Variants in GALNTL6 observed in about 807,000 individuals in gnomAD.
The protein encoded by GALNTL6 is polypeptide N-acetylgalactosaminyltransferase-like 6.
GALNTL6 carries 46 observed loss-of-function variants against 73.7 expected under a neutral mutation model. The observed-to-expected ratio is 0.62, with a 90% CI of 0.49 to 0.80. GALNTL6 has a LOEUF of 0.80. GALNTL6 is among the 30% of genes least tolerant of loss of function. The pLI is 0.00. For missense variants in GALNTL6, 604 were observed against 755.0 expected (o/e 0.80, Z 2.34); for synonymous variants, 259 against 263.7 (o/e 0.98, Z 0.17).
At chr4:172,515,656 C>T (rs147224976) in intron 5 of GALNTL6, among the ~76,000 whole-genome samples, 1 of 152,294 alleles carries the variant, frequency 6.6e-6, no homozygotes, top group African/African-American at 2.4e-5. Context: ...TGCAGCTGTC[C>T]TGAATTAACC....
At chr4:172,335,492 A>G (rs1412174131) in intron 4 of GALNTL6, among the ~76,000 whole-genome samples, 1 of 152,202 alleles carries the variant, frequency 6.6e-6, no homozygotes, top group Non-Finnish European at 1.5e-5. Context: ...CTCTTCCTCA[A>G]TTTTTTGGAA....
intron 7 of GALNTL6, among the ~76,000 whole-genome samples, chr4:172,833,648 C>G (rs1742757226): frequency 1.3e-5 from 2 of 152,192 alleles, no homozygotes; most frequent in South Asian, 4.1e-4. Context: ...GGTTATCATT[C>G]TCTCCTGAAG....
At chr4:171,847,399 T>C (rs1735402853) in intron 2 of GALNTL6, among the ~76,000 whole-genome samples, 1 of 152,176 alleles carries the variant, frequency 6.6e-6, no homozygotes, top group South Asian at 2.1e-4. Flanking sequence ...TCGATGTTGA[T>C]GGATGCTATC....
At chr4:172,587,115 T>G (rs1737441591) in intron 5 of GALNTL6, among the ~76,000 whole-genome samples, 2 of 145,252 alleles carry the variant, frequency 1.4e-5, no homozygotes, top group Non-Finnish European at 3.1e-5. Flanking sequence ...GTGAAAATAT[T>G]GGGGTTCTAA....
intron 2 of GALNTL6, among the ~76,000 whole-genome samples, chr4:172,212,993 C>A (rs895731883): frequency 2.8e-4 from 43 of 152,092 alleles, no homozygotes; most frequent in African/African-American, 1.0e-3. Flanking sequence ...TTTATCATTG[C>A]CATAGTCTTG....
chr4:172,535,513 T>G (rs1340557693), intron 5 of GALNTL6, among the ~76,000 whole-genome samples: 1 of 152,212 alleles, frequency 6.6e-6, no homozygotes, highest in Non-Finnish European at 1.5e-5. Context: ...AATTCCAATC[T>G]ATTTCAAAAG....
chr4:171,947,052 A>G (rs2111024002), intron 2 of GALNTL6, among the ~76,000 whole-genome samples: 2 of 152,156 alleles, frequency 1.3e-5, no homozygotes, highest in Admixed American at 1.3e-4. Context: ...ATAACTGGCT[A>G]TTACCTCTTT....
intron 4 of GALNTL6, among the ~76,000 whole-genome samples, chr4:172,320,579 G>C (rs146725730): frequency 6.6e-6 from 1 of 152,232 alleles, no homozygotes; most frequent in East Asian, 1.9e-4. Context: ...CATTTTGCAG[G>C]AGAGAAAAAA....
At chr4:172,477,908 A>G (rs147971966) in intron 5 of GALNTL6, among the ~76,000 whole-genome samples, 204 of 152,268 alleles carry the variant, frequency 1.3e-3, no homozygotes, top group African/African-American at 4.2e-3. Flanking sequence ...GAAGAAATGC[A>G]TGGCCTTAGT....
chr4:172,118,730 A>C (rs935502662), intron 2 of GALNTL6, among the ~76,000 whole-genome samples: 2 of 151,796 alleles, frequency 1.3e-5, no homozygotes, highest in Admixed American at 1.3e-4. Context: ...AAACCAAAAA[A>C]CAAACAAACA....
At chr4:172,708,742 A>C (rs996236773) in intron 5 of GALNTL6, among the ~76,000 whole-genome samples, 2 of 152,230 alleles carry the variant, frequency 1.3e-5, no homozygotes, top group Non-Finnish European at 2.9e-5. Context: ...GGTTTTAATG[A>C]AAACATCTTA....
At chr4:173,038,416 T>C (rs1753780772) in intron 12 of GALNTL6, among the ~76,000 whole-genome samples, 1 of 152,152 alleles carries the variant, frequency 6.6e-6, no homozygotes. Flanking sequence ...TCCTTCCTCC[T>C]GGAAGCTGCT....
rs557668915 is a variant in GALNTL6, at chr4:172,987,510, C to G, written c.1372-21668C>G. 4.6e-5 allele frequency among the ~76,000 whole-genome samples: 7 copies of G among 152,302 alleles called. No homozygotes were observed. In the East Asian group the frequency reaches 1.3e-3, roughly 29 times the overall value. On this transcript the variant is annotated intron_variant, in intron 10 of 12. Coordinates refer to ENST00000506823, the MANE Select transcript of GALNTL6 (RefSeq NM_001034845.3). The stretch of plus-strand genomic sequence containing the variant: ...GTTTTGGGTGAGGGTACAGCCAAAC[C>G]ATATCAGTCCAATTATACTTGGCCC...
At position 172,650,021 on chromosome 4, in the gene GALNTL6, C is replaced by T. The variant is rs145414321; in HGVS notation, c.554-159340C>T. ...GCATCCTAGGTACAGAGGTATTCAG[C>T]AGAAGAAAGCTTATGGTAGAAATAT... On this transcript the variant is annotated intron_variant, in intron 5 of 12. Coordinates refer to ENST00000506823, the MANE Select transcript of GALNTL6 (RefSeq NM_001034845.3). Among the ~76,000 whole-genome samples the T allele has an allele frequency of 3.0e-3, 460 of 152,268 alleles. 4 individuals carry two copies. Among genetic ancestry groups the T allele is most frequent in the African/African-American group, 0.011 (437 of 41,540 alleles).
chr4:172,206,448 T>C (rs185013532), intron 2 of GALNTL6, among the ~76,000 whole-genome samples: 214 of 152,282 alleles, frequency 1.4e-3, no homozygotes, highest in Non-Finnish European at 1.9e-3. Flanking sequence ...TGATGAGTGA[T>C]TGTATCTTTT....
chr4:172,418,945 GATTT>G (rs10564317), intron 5 of GALNTL6, among the ~76,000 whole-genome samples: 122,061 of 151,582 alleles, frequency 0.81, 49,994 homozygotes, highest in Non-Finnish European at 0.88. Flanking sequence ...TTTTCTACGA[GATTT>G]ATCAAGCAAT....
At chr4:171,985,831 A>T (rs1253383771) in intron 2 of GALNTL6, among the ~76,000 whole-genome samples, 1 of 151,752 alleles carries the variant, frequency 6.6e-6, no homozygotes, top group Non-Finnish European at 1.5e-5. Context: ...CAAGGTCAGG[A>T]GTTTGAGAGC....
intron 4 of GALNTL6, among the ~76,000 whole-genome samples, chr4:172,320,435 A>G (rs1003769701): frequency 1.1e-4 from 16 of 152,244 alleles, no homozygotes; most frequent in Admixed American, 6.5e-5. Flanking sequence ...CTTCCCAAAG[A>G]AACTGACTTC....
chr4:171,924,070 G>T (rs1469465796), intron 2 of GALNTL6, among the ~76,000 whole-genome samples: 2 of 151,720 alleles, frequency 1.3e-5, no homozygotes, highest in African/African-American at 4.8e-5. Flanking sequence ...AGAAATGATT[G>T]TAGATGCTCA....
Sources: allele counts gnomAD v4.1 joint callset (sites outside exome capture counted in the v4.1 genomes callset), GRCh38; gene constraint gnomAD v4.1.1; transcripts MANE v1.5; gene names NCBI Gene and HGNC (gene_info 2026-07-23, HGNC 2026-07-21).